The following TACR1 variants were observed in gnomAD, a reference collection of about 807,000 sequenced individuals.
TACR1 encodes the protein substance-P receptor.
A neutral mutation model predicts 35.8 loss-of-function variants in TACR1; 25 were observed. The observed-to-expected ratio is 0.70, with a 90% confidence interval of 0.51 to 0.98. The LOEUF (loss-of-function observed/expected upper bound fraction) is 0.98. TACR1 is among the 50% of genes least tolerant of loss of function. TACR1 has a pLI of 0.00. For missense variants in TACR1, 478 were observed against 522.9 expected (o/e 0.91, Z 0.84); for synonymous variants, 195 against 206.7 (o/e 0.94, Z 0.48).
chr2:75,153,397 T>C (rs1674718824), intron 1 of TACR1, among the ~76,000 whole-genome samples: 1 of 104,796 alleles, frequency 9.5e-6, no homozygotes. Flanking sequence ...TCCTGACACC[T>C]AAGTGGGTGA....
chr2:75,140,578 G>A (rs143437700), intron 1 of TACR1, among the ~76,000 whole-genome samples: 26 of 152,272 alleles, frequency 1.7e-4, no homozygotes, highest in Non-Finnish European at 3.2e-4. Context: ...ATCTCCCTCT[G>A]AAGACTCAAC....
At chr2:75,124,923 G>C (rs12713831) in intron 1 of TACR1, among the ~76,000 whole-genome samples, 106,448 of 152,068 alleles carry the variant, frequency 0.7, 38,211 homozygotes, top group African/African-American at 0.86. Context: ...CACAAGCAGT[G>C]AGTAAGGTGG....
At chr2:75,108,302 C>A (rs1673689421) in intron 2 of TACR1, among the ~76,000 whole-genome samples, 1 of 152,080 alleles carries the variant, frequency 6.6e-6, no homozygotes, top group Admixed American at 6.6e-5. Flanking sequence ...AAAAGCATAA[C>A]TTACCATGAC....
At chr2:75,067,309 T>C (rs1672782578) in intron 2 of TACR1, among the ~76,000 whole-genome samples, 1 of 152,198 alleles carries the variant, frequency 6.6e-6, no homozygotes, top group African/African-American at 2.4e-5. Context: ...GTTAGCAAAG[T>C]CACCTGTTCA....
chr2:75,173,918 G>A (rs1438588220), intron 1 of TACR1, among the ~76,000 whole-genome samples: 1 of 152,148 alleles, frequency 6.6e-6, no homozygotes, highest in Non-Finnish European at 1.5e-5. Context: ...GAGCCACTTG[G>A]CCTTCCCAGA....
rs193219912 is a variant in TACR1 at position 75,105,196 on chromosome 2, T to C, written c.584+15378A>G. The stretch of plus-strand genomic sequence containing the variant: ...GATAAATATACACAATGGAATATGA[T>C]TCAGCTTTAAAAAAGAAGATGCTTT... On this transcript the variant is annotated intron_variant, in intron 2 of 4. Transcript: ENST00000305249. 3.7e-3 allele frequency among the ~76,000 whole-genome samples: 561 copies of C among 152,196 alleles called. 5 individuals are homozygous for C. The highest frequency in any genetic ancestry group is 0.011 in the African/African-American group (459 of 41,574).
At chr2:75,053,848 G>A in intron 2 of TACR1, 93 bp from the exon 3 acceptor site, 1 of 1,522,142 alleles carries the variant, frequency 6.6e-7, no homozygotes, top group Admixed American at 1.9e-5. Context: ...AGGTTTGGCA[G>A]CTACCTTTCT....
chr2:75,086,035 G>C (rs1673182200), intron 2 of TACR1, among the ~76,000 whole-genome samples: 1 of 152,228 alleles, frequency 6.6e-6, no homozygotes, highest in Admixed American at 6.5e-5. Flanking sequence ...AGTTCCCAGA[G>C]ATCAAGAGCT....
intron 1 of TACR1, among the ~76,000 whole-genome samples, chr2:75,177,076 AC>A (rs1458596147): frequency 6.6e-6 from 1 of 151,820 alleles, no homozygotes; most frequent in Admixed American, 6.6e-5. Flanking sequence ...TCCACAGTCC[AC>A]CCACCACAGA....
chr2:75,087,130 A>G (rs989760953), intron 2 of TACR1, among the ~76,000 whole-genome samples: 2 of 152,242 alleles, frequency 1.3e-5, no homozygotes, highest in Non-Finnish European at 2.9e-5. Context: ...TACTTTTTAT[A>G]TGGGTAACAT....
At chr2:75,113,714 G>T (rs968189855) in intron 2 of TACR1, among the ~76,000 whole-genome samples, 4 of 151,962 alleles carry the variant, frequency 2.6e-5, no homozygotes, top group Admixed American at 2.6e-4. Context: ...GTATTTATAA[G>T]TGTAGTGGGT....
At chr2:75,141,766 T>C (rs997351730) in intron 1 of TACR1, among the ~76,000 whole-genome samples, 1 of 152,174 alleles carries the variant, frequency 6.6e-6, no homozygotes, top group Non-Finnish European at 1.5e-5. Context: ...AGAAATCCCA[T>C]GAGGATTCTT....
At chr2:75,088,700 C>T (rs1404061287) in intron 2 of TACR1, among the ~76,000 whole-genome samples, 1 of 152,086 alleles carries the variant, frequency 6.6e-6, no homozygotes, top group Non-Finnish European at 1.5e-5. Flanking sequence ...GTGCTTTAGA[C>T]CACAATCACC....
intron 1 of TACR1, among the ~76,000 whole-genome samples, chr2:75,140,053 T>C (rs533556741): frequency 1.3e-5 from 2 of 152,338 alleles, no homozygotes; most frequent in East Asian, 3.9e-4. Flanking sequence ...CCTCATCATA[T>C]GAAGCAGTCA....
At chr2:75,063,951 G>A (rs917902477) in intron 2 of TACR1, among the ~76,000 whole-genome samples, 9 of 152,206 alleles carry the variant, frequency 5.9e-5, no homozygotes, top group African/African-American at 1.7e-4. Flanking sequence ...CAGGTTGGCA[G>A]CTTCTCAGAA....
rs1558559971 is a variant in TACR1 at position 75,120,707 on chromosome 2, T to G, written c.451A>C (p.Ile151Leu). 2 of 1,613,854 alleles carry G rather than the reference T, an allele frequency of 1.2e-6. No individual in the cohort carries two copies. Among genetic ancestry groups the G allele is most frequent in the Non-Finnish European group, 1.7e-6 (2 of 1,179,980 alleles). Reference protein sequence around the residue: ...RLSATATKVVICVIWVLALLL... With the variant: ...RLSATATKVVLCVIWVLALLL... Reference sequence around the variant, plus strand: ...AGAGCCAGGACCCAGATGACACAGATGACCACTTTGGTGGCTGTGGCTGAC... The same window carrying G: ...AGAGCCAGGACCCAGATGACACAGAGGACCACTTTGGTGGCTGTGGCTGAC... The change falls in exon 2 of 5, where the codon ATC becomes CTC. Residue 151 changes from isoleucine to leucine, a missense_variant. By Grantham distance (5) the Ile-to-Leu change is conservative. Coordinates refer to ENST00000305249, the MANE Select transcript of TACR1 (RefSeq NM_001058.4).
chr2:75,070,880 T>C (rs1041631408), intron 2 of TACR1, among the ~76,000 whole-genome samples: 1 of 152,118 alleles, frequency 6.6e-6, no homozygotes, highest in Admixed American at 6.5e-5. Flanking sequence ...GGCCGCAAAC[T>C]ATGGCCCCAG....
chr2:75,132,893 A>AT (rs373287741), intron 1 of TACR1, among the ~76,000 whole-genome samples: 19 of 152,050 alleles, frequency 1.2e-4, no homozygotes, highest in South Asian at 2.1e-4. Flanking sequence ...CTCAGAAGAG[A>AT]TTTTTTTTGT....
Position 75,047,548 on chromosome 2 carries a change from T to C in TACR1, c.*1884A>G, listed in dbSNP as rs1374169464. On this transcript the variant is annotated 3_prime_UTR_variant, in exon 5 of 5. Coordinates refer to ENST00000305249, the MANE Select transcript of TACR1 (RefSeq NM_001058.4). ...CCATCTTCTCAGGTACTTCTCATAA[T>C]CATGTTAGCTCTTTACATTCTTCCA... 6.6e-6 allele frequency: 1 copy of C among 152,250 alleles called. No individual in the cohort carries two copies. The highest frequency in any genetic ancestry group is 1.5e-5 in the Non-Finnish European group (1 of 68,056). The allele number at this position is 152,250 out of a possible 1,614,324, so 9.4% of individuals were successfully genotyped here.
Sources: gnomAD v4.1 joint callset for allele counts (sites outside exome capture counted in the v4.1 genomes callset) on GRCh38, gnomAD v4.1.1 for gene constraint, MANE v1.5 for transcripts, NCBI Gene and HGNC (gene_info 2026-07-23, HGNC 2026-07-21) for gene names.